ITIH3: variants seen among roughly 807,000 people sequenced by gnomAD.
ITIH3 encodes inter-alpha-trypsin inhibitor heavy chain 3, also known as inter-alpha-trypsin inhibitor heavy chain H3.
ITIH3 carries 81 observed loss-of-function variants against 96.5 expected under a neutral mutation model. The ratio of observed to expected loss-of-function variants is 0.84; its 90% CI spans 0.70 to 1.01. The LOEUF (loss-of-function observed/expected upper bound fraction) is 1.01. ITIH3 is among the 50% of genes least tolerant of loss of function. The pLI is 0.00. For synonymous variants in ITIH3, 422 were observed against 445.2 expected (o/e 0.95, Z 0.66); for missense variants, 1,057 against 1,139.3 (o/e 0.93, Z 1.04).
rs914713129 is a variant in ITIH3 at position 52,803,908 on chromosome 3, T to C, written c.1763T>C (p.Leu588Pro). 1.2e-6 allele frequency: 2 copies of C among 1,613,874 alleles called. No individual in the cohort carries two copies. Among genetic ancestry groups the C allele is most frequent in the African/African-American group, 2.7e-5 (2 of 74,952 alleles). ...AACCTCACGGCCCGGGCCCTGGACC[T>C]GTCCCTCAAGTATCACTTTGTGACT... The part of the protein sequence containing the change: ...KENLTARALD[L>P]SLKYHFVTPL... Residue 588 changes from leucine to proline, a missense_variant, in exon 14 of 22, where the codon CTG becomes CCG. Transcript: ENST00000449956.
Position 52,800,682 on chromosome 3 carries a change from GT to G in ITIH3, c.1201+23del. 6.3e-7 allele frequency: 1 copy of G among 1,597,154 alleles called. No individual in the cohort carries two copies. The highest frequency in any genetic ancestry group is 8.5e-7 in the Non-Finnish European group (1 of 1,172,024). Reference sequence around the variant, plus strand: ...AATGTTGGTGAGGAGCACGGGCATGGTTTTGAGCTAGGGCTGGAGTGCTTGG... The same window carrying G: ...AATGTTGGTGAGGAGCACGGGCATGGTTTGAGCTAGGGCTGGAGTGCTTGG... On this transcript the variant is annotated intron_variant, in intron 10 of 21. Coordinates refer to ENST00000449956, the MANE Select transcript of ITIH3 (RefSeq NM_002217.4).
Position 52,802,318 on chromosome 3 carries a change from C to T in ITIH3, c.1384-16C>T. 6.2e-7 allele frequency: 1 copy of T among 1,612,826 alleles called. No homozygotes were observed. Among genetic ancestry groups the T allele is most frequent in the Non-Finnish European group, 8.5e-7 (1 of 1,179,396 alleles). On this transcript the variant is annotated splice_polypyrimidine_tract_variant and intron_variant, in intron 11 of 21. Transcript: ENST00000449956. ...TGACCTGGGGCTTGAGATGACTGGC[C>T]CCGTGCGAACTTCAGGGCTTCTATG...
chr3:52,797,397 G>C (rs1262439046), intron 5 of ITIH3, 130 bp downstream of exon 5: 1 of 1,009,926 alleles, frequency 9.9e-7, no homozygotes, highest in Non-Finnish European at 1.4e-6. Flanking sequence ...GGCTGGGAAG[G>C]CTGGAGGAAT....
chr3:52,808,446 G>A, intron 21 of ITIH3, 106 bp from the exon 22 acceptor site: 1 of 1,455,728 alleles, frequency 6.9e-7, no homozygotes, highest in Admixed American at 1.7e-5. Flanking sequence ...AAGAATTCTG[G>A]GCTGTTAGAA....
chr3:52,801,420 C>G (rs951412339), intron 11 of ITIH3, among the ~76,000 whole-genome samples: 1 of 152,130 alleles, frequency 6.6e-6, no homozygotes, highest in Non-Finnish European at 1.5e-5. Context: ...TAAGTATGCC[C>G]CAAATATTGC....
chr3:52,795,228 C>T (rs144576876), intron 1 of ITIH3, among the ~76,000 whole-genome samples: 8 of 152,252 alleles, frequency 5.3e-5, no homozygotes, highest in Non-Finnish European at 8.8e-5. Flanking sequence ...TTGAGCCCTG[C>T]GGGGTGTGGC....
intron 6 of ITIH3, among the ~76,000 whole-genome samples, chr3:52,798,244 C>A (rs565501270): frequency 4.8e-4 from 73 of 152,334 alleles, no homozygotes; most frequent in Non-Finnish European, 8.5e-4. Context: ...CCAAGGGAGT[C>A]ATTTAGATCT....
intron 9 of ITIH3, chr3:52,800,298 A>G: frequency 1.7e-6 from 1 of 573,572 alleles, no homozygotes; most frequent in Non-Finnish European, 3.1e-6. Context: ...GGCTTTCACA[A>G]TCACCATGTG....
chr3:52,808,689 C>G lies in ITIH3; in HGVS notation c.*8C>G. The stretch of plus-strand genomic sequence containing the variant: ...GTCCCCAACCTGTTTTGAGTAGACA[C>G]ACCAGCTCCTGTTGGGATGGATGGC... On this transcript the variant is annotated 3_prime_UTR_variant, in exon 22 of 22. Transcript: ENST00000449956. 6.3e-7 allele frequency: 1 copy of G among 1,598,412 alleles called. No individual in the cohort carries two copies. Among genetic ancestry groups the G allele is most frequent in the Non-Finnish European group, 8.6e-7 (1 of 1,166,720 alleles).
At position 52,799,416 on chromosome 3, in the gene ITIH3, T is replaced by C. The variant is rs1699725026; in HGVS notation, c.834T>C (p.Leu278=). The stretch of plus-strand genomic sequence containing the variant: ...TGCACTTCTTTGCACCTCAAGGCCT[T>C]CCAGTGGTGCCTAAGAACGTGGCCT... ...YFVHFFAPQG[L]PVVPKNVAFV... The change falls in exon 8 of 22, where the codon CTT becomes CTC. Residue 278 remains leucine, a synonymous_variant. Transcript: ENST00000449956. 2.5e-6 allele frequency: 4 copies of C among 1,611,816 alleles called. No homozygotes were observed. The highest frequency in any genetic ancestry group is 3.4e-6 in the Non-Finnish European group (4 of 1,179,126).
At chr3:52,797,531 C>T (rs1008269936) in intron 5 of ITIH3, among the ~76,000 whole-genome samples, 2 of 152,232 alleles carry the variant, frequency 1.3e-5, no homozygotes, top group Non-Finnish European at 2.9e-5. Flanking sequence ...AGGCTTCTCA[C>T]TGGGCACATG....
At chr3:52,808,307 G>A in intron 21 of ITIH3, 86 bp downstream of exon 21, 2 of 1,222,022 alleles carry the variant, frequency 1.6e-6, no homozygotes, top group South Asian at 1.3e-5. Context: ...AGTCTGGTGG[G>A]CTTTTGTCTT....
Position 52,808,137 on chromosome 3 carries a change from A to C in ITIH3, c.2459A>C (p.Lys820Thr), listed in dbSNP as rs769035866. The change falls in exon 21 of 22, where the codon AAA becomes ACA. Residue 820 changes from lysine to threonine, a missense_variant. Transcript: ENST00000449956. Reference sequence around the variant, plus strand: ...CAATTCTTCCAACCCTTTGACTTTAAAGTGTCTGACATCCGGCCAGGCTCT... The same window carrying C: ...CAATTCTTCCAACCCTTTGACTTTACAGTGTCTGACATCCGGCCAGGCTCT... ...LGQFFQPFDFKVSDIRPGSDP... is the reference protein window; with the variant it reads ...LGQFFQPFDFTVSDIRPGSDP... 2.5e-5 allele frequency: 40 copies of C among 1,614,118 alleles called. No homozygotes were observed. Among genetic ancestry groups the C allele is most frequent in the Non-Finnish European group, 3.4e-5 (40 of 1,179,982 alleles).
intron 17 of ITIH3, 68 bp from the exon 18 acceptor site, chr3:52,806,225 A>C (rs960535712): frequency 2.5e-5 from 40 of 1,596,616 alleles, no homozygotes; most frequent in Non-Finnish European, 3.3e-5. Context: ...GGAGGCCAGA[A>C]GGCTGGGGGA....
At position 52,797,137 on chromosome 3, in the gene ITIH3, TCTC is replaced by T; in HGVS notation, c.420_422del (p.Ser141del). The stretch of plus-strand genomic sequence containing the variant: ...GGGAGGAAGTTGGAGAAGTTCACAG[TCTC>T]GGTCAACGTGGCTGCAGGCAGCAAA... On this transcript the variant is annotated inframe_deletion, in exon 5 of 22. Coordinates refer to ENST00000449956, the MANE Select transcript of ITIH3 (RefSeq NM_002217.4). 1 of 1,609,874 alleles carries T rather than the reference TCTC, an allele frequency of 6.2e-7. No homozygotes were observed. Among genetic ancestry groups the T allele is most frequent in the Non-Finnish European group, 8.5e-7 (1 of 1,178,446 alleles).
intron 6 of ITIH3, chr3:52,798,745 G>A (rs768901670): frequency 1.7e-6 from 1 of 572,392 alleles, no homozygotes; most frequent in Non-Finnish European, 3.1e-6. Flanking sequence ...TGCTCAGAAA[G>A]GCCGGAGCGT....
At chr3:52,800,049 T>G in intron 9 of ITIH3, 128 bp downstream of exon 9, 1 of 793,272 alleles carries the variant, frequency 1.3e-6, no homozygotes. Flanking sequence ...GGGGTAGAGG[T>G]GGGAGTGGAT....
rs746665566 is a variant in ITIH3 at position 52,799,529 on chromosome 3, G to C, written c.906+41G>C. The stretch of plus-strand genomic sequence containing the variant: ...GGCACAGCCAGGGCTCGGGGTAGTA[G>C]GGGGTGGAAGAGATTTTTTTTTTTA... On this transcript the variant is annotated intron_variant, in intron 8 of 21. Coordinates refer to ENST00000449956, the MANE Select transcript of ITIH3 (RefSeq NM_002217.4). 5 of 1,426,850 alleles carry C rather than the reference G, an allele frequency of 3.5e-6. No homozygotes were observed. The East Asian group carries it at 1.1e-4, about 33-fold the overall frequency. 88.4% of individuals were successfully genotyped at this position (1,426,850 alleles called of 1,614,324 possible).
intron 2 of ITIH3, chr3:52,795,831 CCCA>C: frequency 5.4e-6 from 3 of 555,040 alleles, no homozygotes; most frequent in Non-Finnish European, 9.6e-6. Flanking sequence ...CAGGATGTAG[CCCA>C]AGAGGGCCCC....
Sources: allele counts gnomAD v4.1 joint callset (sites outside exome capture counted in the v4.1 genomes callset), GRCh38; gene constraint gnomAD v4.1.1; transcripts MANE v1.5; gene names NCBI Gene and HGNC (gene_info 2026-07-23, HGNC 2026-07-21).